Variants in NDRG4 observed in about 807,000 individuals in gnomAD.
NDRG4 encodes the protein NDRG family member 4, also known as protein NDRG4.
In NDRG4, 38 loss-of-function variants were observed where a neutral mutation model predicts 55.8. The observed-to-expected ratio is 0.68, with a 90% CI of 0.53 to 0.89. The LOEUF is 0.89. Among genes scored for constraint, NDRG4 ranks in the 40% least tolerant of loss-of-function variants. NDRG4 has a pLI of 0.00. For synonymous variants in NDRG4, 190 were observed against 182.7 expected, an observed-to-expected ratio of 1.04 and a Z score of -0.32; for missense variants, 455 against 468.6, an observed-to-expected ratio of 0.97 and a Z score of 0.27.
At chr16:58,480,355 A>T (rs2034245175) in intron 1 of NDRG4, among the ~76,000 whole-genome samples, 1 of 152,128 alleles carries the variant, frequency 6.6e-6, no homozygotes, top group Non-Finnish European at 1.5e-5. Flanking sequence ...TCCTGACCTC[A>T]AGTGATCTGC....
intron 7 of NDRG4, 35 bp downstream of exon 7, chr16:58,506,649 C>G (rs1363597323): frequency 6.5e-7 from 1 of 1,545,042 alleles, no homozygotes; most frequent in East Asian, 2.4e-5. Flanking sequence ...CTGGGGTGAT[C>G]TGGGATTTGC....
chr16:58,509,916 G>A (rs1363970485), intron 13 of NDRG4, among the ~76,000 whole-genome samples: 5 of 151,848 alleles, frequency 3.3e-5, no homozygotes, highest in African/African-American at 1.2e-4. Flanking sequence ...TGGGTCTGGG[G>A]TGGAACCAGG....
chr16:58,469,692 A>C (rs957565726), intron 1 of NDRG4, among the ~76,000 whole-genome samples: 3 of 152,272 alleles, frequency 2.0e-5, no homozygotes, highest in Non-Finnish European at 4.4e-5. Context: ...TTATTTATCC[A>C]TCTGAACAGA....
intron 2 of NDRG4, among the ~76,000 whole-genome samples, chr16:58,488,670 G>T (rs1292830890): frequency 1.3e-5 from 2 of 151,994 alleles, no homozygotes; most frequent in Non-Finnish European, 2.9e-5. Context: ...CCATCACCAG[G>T]AGGGGAGCCC....
chr16:58,491,900 GCCT>G (rs1339073710), intron 2 of NDRG4, among the ~76,000 whole-genome samples: 1 of 152,140 alleles, frequency 6.6e-6, no homozygotes, highest in African/African-American at 2.4e-5. Context: ...TCCTACTTCA[GCCT>G]CCTGAGTAGC....
At chr16:58,490,877 T>G (rs1289752485) in intron 2 of NDRG4, among the ~76,000 whole-genome samples, 1 of 152,082 alleles carries the variant, frequency 6.6e-6, no homozygotes, top group East Asian at 1.9e-4. Flanking sequence ...TTCGGGAGGC[T>G]GAAGCAGGAG....
chr16:58,478,698 T>TG (rs1491328530), intron 1 of NDRG4, among the ~76,000 whole-genome samples: 2 of 322 alleles, frequency 6.2e-3, no homozygotes, highest in African/African-American at 0.027. Flanking sequence ...TTGTTTTTTG[T>TG]TTTTTTTTTT....
At chr16:58,481,469 C>T (rs972853699) in intron 1 of NDRG4, among the ~76,000 whole-genome samples, 1 of 151,798 alleles carries the variant, frequency 6.6e-6, no homozygotes, top group African/African-American at 2.4e-5. Context: ...TGTGTGTGTG[C>T]GCGCGCATGC....
Position 58,509,309 on chromosome 16 carries a change from G to A in NDRG4, c.822G>A (p.Lys274=), listed in dbSNP as rs1022283380. ...GGLPQVTQPG[K]LTEAFKYFLQ... is the part of the protein sequence containing the mutation. ...TGTCCTGCCCTCCGCAGCCAGGGAA[G>A]CTGACTGAAGCCTTCAAATACTTCC... Residue 274 remains lysine, a synonymous_variant, in exon 13 of 15, where the codon AAG becomes AAA. Coordinates refer to ENST00000570248, the MANE Select transcript of NDRG4 (RefSeq NM_001242835.2). 6.2e-6 allele frequency: 10 copies of A among 1,613,956 alleles called. No homozygotes were observed. The Admixed American group carries it at 1.2e-4, about 19-fold the overall frequency.
intron 10 of NDRG4, 47 bp from the exon 11 acceptor site, chr16:58,508,915 G>A: frequency 6.2e-7 from 1 of 1,604,144 alleles, no homozygotes. Flanking sequence ...GGCAATGGGG[G>A]TGGGGAGGGG....
At chr16:58,470,208 T>G (rs765015172) in intron 1 of NDRG4, among the ~76,000 whole-genome samples, 2 of 152,208 alleles carry the variant, frequency 1.3e-5, no homozygotes, top group African/African-American at 2.4e-5. Context: ...AATTCTCTTC[T>G]GAAGGCTAAT....
At chr16:58,472,470 C>G (rs1476421522) in intron 1 of NDRG4, among the ~76,000 whole-genome samples, 1 of 152,222 alleles carries the variant, frequency 6.6e-6, no homozygotes, top group Admixed American at 6.5e-5. Context: ...GTAGGGCCCT[C>G]TGACCCCGCA....
At chr16:58,510,552 C>T (rs926322502) in intron 13 of NDRG4, 93 bp from the exon 14 acceptor site, 2 of 1,074,444 alleles carry the variant, frequency 1.9e-6, no homozygotes, top group Non-Finnish European at 1.4e-6. Flanking sequence ...CTCTCTGGCT[C>T]ATCTCAATGC....
At position 58,479,431 on chromosome 16, in the gene NDRG4, C is replaced by T. The variant is rs118095555; in HGVS notation, c.-23-8325C>T. Among the ~76,000 whole-genome samples the T allele has an allele frequency of 3.5e-4, 54 of 152,282 alleles. No homozygotes were observed. The East Asian group carries it at 0.01, about 28-fold the overall frequency. Reference sequence around the variant, plus strand: ...TGCAGTGAGCACCCTTGTGTACTGCCTCTTAGTGCACACATGGGTGTTTTT... The same window carrying T: ...TGCAGTGAGCACCCTTGTGTACTGCTTCTTAGTGCACACATGGGTGTTTTT... On this transcript the variant is annotated intron_variant, in intron 1 of 15. Transcript: ENST00000258187.
chr16:58,464,671 G>A lies in NDRG4; in HGVS notation c.-24+874G>A. The A allele has an allele frequency of 9.3e-7, 1 of 1,071,196 alleles. No homozygotes were observed. The highest frequency in any genetic ancestry group is 1.2e-6 in the Non-Finnish European group (1 of 828,318). The allele number at this position is 1,071,196 out of a possible 1,614,324, so 66.4% of individuals were successfully genotyped here. ...GTTGTGGCGAGTCCCTGGCGCTGGC[G>A]TCCGGGCTGCGGGAGCACCGGTCAG... On this transcript the variant is annotated intron_variant, in intron 1 of 15. Transcript: ENST00000258187. This position sits in a 1 kb window ranked among gnomAD's most constrained non-coding sequence, Gnocchi z 4.8.
At chr16:58,477,846 G>A (rs1286696207) in intron 1 of NDRG4, among the ~76,000 whole-genome samples, 2 of 152,166 alleles carry the variant, frequency 1.3e-5, no homozygotes, top group Non-Finnish European at 2.9e-5. Context: ...TTCCCACACT[G>A]CTTACAAAGG....
In NDRG4 at chr16:58,464,509, T is replaced by G; in HGVS notation, c.-24+712T>G. ...CCGCAGCCGGCCGCCACTTTCCGAG[T>G]TGGAGCGGACTCCGGGCGCGGCGGC... is the stretch of plus-strand genomic sequence containing the variant. On this transcript the variant is annotated intron_variant, in intron 1 of 15. Transcript: ENST00000258187. This position sits in a 1 kb window ranked among gnomAD's most constrained non-coding sequence, Gnocchi z 4.8. 1 of 1,299,730 alleles carries G rather than the reference T, an allele frequency of 7.7e-7. No individual in the cohort carries two copies. The allele number at this position is 1,299,730 out of a possible 1,614,324, so 80.5% of individuals were successfully genotyped here. A position where few individuals can be genotyped will look rare whatever the true frequency, so the allele number is the denominator to read the frequency against.
At chr16:58,498,690 A>C (rs2036685406), upstream of NDRG4, among the ~76,000 whole-genome samples, 1 of 152,162 alleles carries the variant, frequency 6.6e-6, no homozygotes, top group Admixed American at 6.5e-5. Context: ...CACTAGGGCT[A>C]TCTCAGGCTC....
At chr16:58,476,075 G>A (rs1164264725) in intron 1 of NDRG4, among the ~76,000 whole-genome samples, 1 of 152,200 alleles carries the variant, frequency 6.6e-6, no homozygotes, top group Non-Finnish European at 1.5e-5. Context: ...GGGATTACAG[G>A]CATGAGCCAC....
Sources: allele counts gnomAD v4.1 joint callset (sites outside exome capture counted in the v4.1 genomes callset), GRCh38; gene constraint gnomAD v4.1.1; non-coding constraint Gnocchi (gnomAD v3.1); transcripts MANE v1.5; gene names NCBI Gene and HGNC (gene_info 2026-07-23, HGNC 2026-07-21).